The following ATXN1 variants were observed in gnomAD, a reference collection of about 807,000 sequenced individuals.
ATXN1 encodes the protein ataxin 1.
Under a neutral mutation model 56.4 loss-of-function variants are expected in ATXN1, and 8 were observed. That is an observed-to-expected ratio of 0.14 (90% CI 0.08 to 0.26). ATXN1 has a LOEUF of 0.26. Ranked by LOEUF, ATXN1 falls within the 10% of genes least tolerant of loss-of-function variation. ATXN1 has a pLI of 1.00. For synonymous variants in ATXN1, 514 were observed against 494.6 expected (o/e 1.04, Z -0.52); for missense variants, 987 against 1,106.5 (o/e 0.89, Z 1.53).
intron 6 of ATXN1, among the ~76,000 whole-genome samples, chr6:16,402,484 T>C (rs1330670379): frequency 1.3e-5 from 2 of 152,086 alleles, no homozygotes; most frequent in Admixed American, 6.6e-5. Context: ...AATTTTCCAG[T>C]TAACAACACG....
At chr6:16,396,271 ACT>A (rs1561880067) in intron 6 of ATXN1, among the ~76,000 whole-genome samples, 1 of 147,652 alleles carries the variant, frequency 6.8e-6, no homozygotes, top group African/African-American at 2.7e-5. Context: ...AAAAAAAAAA[ACT>A]TTTTTTAATA....
chr6:16,403,853 A>G (rs960519402), intron 6 of ATXN1, among the ~76,000 whole-genome samples: 2 of 152,144 alleles, frequency 1.3e-5, no homozygotes, highest in African/African-American at 4.8e-5. Context: ...TCTTGAAGTA[A>G]GCTTAAAGAC....
intron 2 of ATXN1, among the ~76,000 whole-genome samples, chr6:16,698,583 T>C (rs1759214716): frequency 6.7e-6 from 1 of 149,900 alleles, no homozygotes; most frequent in Non-Finnish European, 1.5e-5. Context: ...GTTCTTGAAG[T>C]ATGAGAATGA....
At chr6:16,508,967 T>C (rs1374866185) in intron 5 of ATXN1, among the ~76,000 whole-genome samples, 1 of 152,202 alleles carries the variant, frequency 6.6e-6, no homozygotes, top group Non-Finnish European at 1.5e-5. Context: ...TGTTACAACA[T>C]GGATGACCTT....
rs567160469 is a variant in ATXN1, at chr6:16,651,543, C to CAAAA, written c.-489+6229_-489+6232dup. 5.3e-5 allele frequency among the ~76,000 whole-genome samples: 7 copies of CAAAA among 131,522 alleles called. 1 individual carries two copies. Among genetic ancestry groups the CAAAA allele is most frequent in the South Asian group, 5.0e-4 (2 of 4,040 alleles). 86.3% of individuals were successfully genotyped at this position (131,522 alleles called of 152,430 possible). A position where few individuals can be genotyped will look rare whatever the true frequency, so the allele number is the denominator to read the frequency against. ...TGGGTGACAGAGAGAGACTCTGTCT[C>CAAAA]AAAAAAAAAAAAAAGGCAGAACTCC... On this transcript the variant is annotated intron_variant, in intron 3 of 7. Coordinates refer to ENST00000436367, the MANE Select transcript of ATXN1 (RefSeq NM_001128164.2).
chr6:16,650,010 G>A (rs1321512482), intron 3 of ATXN1, among the ~76,000 whole-genome samples: 1 of 151,704 alleles, frequency 6.6e-6, no homozygotes, highest in Non-Finnish European at 1.5e-5. Flanking sequence ...GTGGAATGGT[G>A]CAGTCTAAAC....
chr6:16,660,916 G>T (rs1282412095), intron 2 of ATXN1, among the ~76,000 whole-genome samples: 2 of 134,220 alleles, frequency 1.5e-5, no homozygotes, highest in East Asian at 4.5e-4. Context: ...TCAGCTCACT[G>T]CAACCTCTGC....
At chr6:16,710,426 G>T (rs1019673744) in intron 2 of ATXN1, among the ~76,000 whole-genome samples, 2 of 151,920 alleles carry the variant, frequency 1.3e-5, no homozygotes, top group East Asian at 1.9e-4. Context: ...AGGCTTTTTT[G>T]GGGGGTAGGG....
chr6:16,662,520 G>A (rs1758340255), intron 2 of ATXN1, among the ~76,000 whole-genome samples: 1 of 152,118 alleles, frequency 6.6e-6, no homozygotes, highest in African/African-American at 2.4e-5. Flanking sequence ...TTTTAGTAGA[G>A]ACAGGATTTC....
At chr6:16,385,362 C>T (rs539390268) in intron 6 of ATXN1, among the ~76,000 whole-genome samples, 51 of 152,258 alleles carry the variant, frequency 3.3e-4, no homozygotes, top group African/African-American at 1.2e-3. Context: ...GGCAAACAGT[C>T]GGGAGGAACT....
rs1758237976 is a variant in ATXN1 at position 16,657,851 on chromosome 6, AGC to A, written c.-566_-565del. 1 of 152,228 alleles carries A rather than the reference AGC, an allele frequency of 6.6e-6. No individual in the cohort carries two copies. Among genetic ancestry groups the A allele is most frequent in the Non-Finnish European group, 1.5e-5 (1 of 68,042 alleles). The allele number at this position is 152,228 out of a possible 1,614,324, so 9.4% of individuals were successfully genotyped here. On this transcript the variant is annotated 5_prime_UTR_variant, in exon 3 of 8. Transcript: ENST00000436367. Reference sequence around the variant, plus strand: ...TTCTCTCTTGTTCCTGGTCTGCAGCAGCACTAAGTTTGAAGCTTCAAAATAGA... The same window carrying A: ...TTCTCTCTTGTTCCTGGTCTGCAGCAACTAAGTTTGAAGCTTCAAAATAGA...
intron 4 of ATXN1, among the ~76,000 whole-genome samples, chr6:16,580,763 A>C (rs1762513778): frequency 6.6e-6 from 1 of 152,234 alleles, no homozygotes. Flanking sequence ...GCCTACATAT[A>C]AAACACAATA....
intron 2 of ATXN1, among the ~76,000 whole-genome samples, chr6:16,677,769 G>C (rs1485325937): frequency 1.3e-5 from 2 of 152,176 alleles, no homozygotes; most frequent in Admixed American, 1.3e-4. Context: ...GTGAATGTAA[G>C]CAAGACAACT....
chr6:16,505,034 C>G, intron 5 of ATXN1, among the ~76,000 whole-genome samples: 1 of 140,378 alleles, frequency 7.1e-6, no homozygotes, highest in East Asian at 2.1e-4. Context: ...CTTCTATTTT[C>G]CAACTGGGAT....
intron 6 of ATXN1, among the ~76,000 whole-genome samples, chr6:16,386,197 T>C (rs1285632089): frequency 6.6e-6 from 1 of 152,234 alleles, no homozygotes; most frequent in Non-Finnish European, 1.5e-5. Flanking sequence ...AAGTGAAGGT[T>C]GCTCCATCAA....
At chr6:16,500,095 T>C (rs1760854455) in intron 5 of ATXN1, among the ~76,000 whole-genome samples, 1 of 152,224 alleles carries the variant, frequency 6.6e-6, no homozygotes, top group Non-Finnish European at 1.5e-5. Flanking sequence ...GCTCCTCTTG[T>C]CACCTTGCAC....
intron 6 of ATXN1, among the ~76,000 whole-genome samples, chr6:16,475,341 T>C (rs1467534282): frequency 5.9e-5 from 9 of 152,226 alleles, no homozygotes; most frequent in Non-Finnish European, 1.3e-4. Flanking sequence ...GAAATGTCTC[T>C]ACAACAAAGA....
At chr6:16,319,829 T>C (rs1461665207) in intron 7 of ATXN1, among the ~76,000 whole-genome samples, 2 of 149,780 alleles carry the variant, frequency 1.3e-5, no homozygotes, top group Non-Finnish European at 3.0e-5. Context: ...ATATAGCACA[T>C]ACAGTTTAAA....
At chr6:16,388,674 A>G (rs1309737332) in intron 6 of ATXN1, among the ~76,000 whole-genome samples, 1 of 152,172 alleles carries the variant, frequency 6.6e-6, no homozygotes, top group Non-Finnish European at 1.5e-5. Context: ...AAAAGATGAG[A>G]CCCCAGGAGG....
Sources: gnomAD v4.1 joint callset for allele counts (sites outside exome capture counted in the v4.1 genomes callset) on GRCh38, gnomAD v4.1.1 for gene constraint, MANE v1.5 for transcripts, NCBI Gene and HGNC (gene_info 2026-07-23, HGNC 2026-07-21) for gene names.